Variants in ANK3 observed in about 807,000 individuals in gnomAD.
ANK3 encodes ankyrin 3.
In ANK3, 57 loss-of-function variants were observed where a neutral mutation model predicts 370.9. That is an observed-to-expected ratio of 0.15 (90% CI 0.12 to 0.19). The LOEUF (loss-of-function observed/expected upper bound fraction) is 0.19. Ranked by LOEUF, ANK3 falls within the 10% of genes least tolerant of loss-of-function variation. The probability of loss-of-function intolerance (pLI) is 1.00; values close to 1 mark genes in which losing one functional copy is unlikely to be tolerated. For synonymous variants in ANK3, 1,929 were observed against 1,946.3 expected, an observed-to-expected ratio of 0.99 and a Z score of 0.23; for missense variants, 4,439 against 5,302.1, an observed-to-expected ratio of 0.84 and a Z score of 5.06.
intron 17 of ANK3, among the ~76,000 whole-genome samples, chr10:60,185,816 A>G (rs1169929767): frequency 2.0e-5 from 3 of 152,196 alleles, no homozygotes; most frequent in Non-Finnish European, 4.4e-5. Context: ...ATACAGGGAG[A>G]GGCAGTAACT....
intron 8 of ANK3, among the ~76,000 whole-genome samples, chr10:60,225,446 CCTA>C (rs1170666379): frequency 1.3e-5 from 2 of 152,088 alleles, no homozygotes; most frequent in African/African-American, 4.8e-5. Context: ...GATTCATATA[CCTA>C]CTCAAGGTCA....
At chr10:60,345,864 A>G (rs2055342412) in intron 1 of ANK3, among the ~76,000 whole-genome samples, 1 of 152,276 alleles carries the variant, frequency 6.6e-6, no homozygotes, top group Admixed American at 6.5e-5. Context: ...GTGGTCCCTT[A>G]TTAACTAGCA....
chr10:60,243,079 T>C (rs1442240898), intron 7 of ANK3, among the ~76,000 whole-genome samples: 2 of 152,130 alleles, frequency 1.3e-5, no homozygotes, highest in African/African-American at 4.8e-5. Context: ...AAACATTGCA[T>C]TGTGGCAGGA....
At chr10:60,043,372 T>C in intron 42 of ANK3, 9 of 984,508 alleles carry the variant, frequency 9.1e-6, no homozygotes, top group Non-Finnish European at 1.1e-5. Context: ...GTACTTCTGA[T>C]AAATTTTCAG....
At chr10:60,266,156 C>T (rs1262635345) in intron 5 of ANK3, among the ~76,000 whole-genome samples, 1 of 152,110 alleles carries the variant, frequency 6.6e-6, no homozygotes, top group Non-Finnish European at 1.5e-5. Context: ...AGACTAGATA[C>T]ATCCAAGATG....
chr10:60,162,715 CA>C (rs1473443638), intron 23 of ANK3, among the ~76,000 whole-genome samples: 1 of 152,090 alleles, frequency 6.6e-6, no homozygotes, highest in African/African-American at 2.4e-5. Flanking sequence ...TCAGCCCTAT[CA>C]AATTTGAAAG....
Position 60,620,228 on chromosome 10 carries a change from G to A in ANK3, c.58-5004C>T, listed in dbSNP as rs200855764. 1.2e-4 allele frequency among the ~76,000 whole-genome samples: 18 copies of A among 152,110 alleles called. No individual in the cohort carries two copies. The East Asian group carries it at 2.1e-3, about 18-fold the overall frequency. On this transcript the variant is annotated intron_variant, in intron 1 of 43. Transcript: ENST00000373827. ...TTTTACATTTCCAGCTAGTCAATGTGTATGATAAAAAAGAATTATTCTATC... is the reference window on the plus strand; with the variant it reads ...TTTTACATTTCCAGCTAGTCAATGTATATGATAAAAAAGAATTATTCTATC...
At chr10:60,146,031 A>T in intron 23 of ANK3, 1 of 1,457,556 alleles carries the variant, frequency 6.9e-7, no homozygotes, top group Non-Finnish European at 9.3e-7. Flanking sequence ...CCTATTCAAA[A>T]AATGAATAAA....
intron 1 of ANK3, among the ~76,000 whole-genome samples, chr10:60,691,906 A>C (rs74155697): frequency 0.052 from 7,910 of 152,262 alleles, 290 homozygotes; most frequent in African/African-American, 0.086. Context: ...ACCTGTGCCA[A>C]AAACTGATTT....
intron 2 of ANK3, among the ~76,000 whole-genome samples, chr10:60,601,956 A>G (rs2078070335): frequency 6.6e-6 from 1 of 152,188 alleles, no homozygotes; most frequent in South Asian, 2.1e-4. Flanking sequence ...TACAGCGTAT[A>G]TAGATGCAGT....
chr10:60,720,913 C>A (rs74157812), intron 1 of ANK3, among the ~76,000 whole-genome samples: 64 of 152,250 alleles, frequency 4.2e-4, no homozygotes, highest in African/African-American at 1.4e-3. Context: ...AAGCCCAGAC[C>A]TTTTGAAGGT....
At chr10:60,578,719 T>C (rs2077711780) in intron 2 of ANK3, among the ~76,000 whole-genome samples, 1 of 152,148 alleles carries the variant, frequency 6.6e-6, no homozygotes, top group South Asian at 2.1e-4. Context: ...TTATCAAATA[T>C]CCATCCAACA....
intron 43 of ANK3, among the ~76,000 whole-genome samples, chr10:60,036,877 C>T (rs1371860326): frequency 1.3e-5 from 2 of 152,202 alleles, no homozygotes; most frequent in African/African-American, 4.8e-5. Context: ...ATGATTCCCA[C>T]ATTTTTATAT....
chr10:60,372,737 C>G (rs764656394), intron 1 of ANK3, among the ~76,000 whole-genome samples: 19 of 152,150 alleles, frequency 1.2e-4, no homozygotes, highest in Admixed American at 5.9e-4. Context: ...TTCCTTGACT[C>G]TAGAGCCTCT....
At position 60,072,721 on chromosome 10, in the gene ANK3, T is replaced by C; in HGVS notation, c.8160A>G (p.Leu2720=). 1 of 1,614,094 alleles carries C rather than the reference T, an allele frequency of 6.2e-7. No individual in the cohort carries two copies. The change falls in exon 37 of 44, where the codon TTA becomes TTG. Residue 2720 remains leucine (L), a synonymous_variant. Coordinates refer to ENST00000280772, the MANE Select transcript of ANK3 (RefSeq NM_020987.5). ...TTGCGTGTGTGCCTTGTTCAAATTT[T>C]AATCTAATGGAACTGAGTTTAGATT... is the stretch of plus-strand genomic sequence containing the variant. The part of the protein sequence containing the change: ...LKQSKLSSIR[L]KFEQGTHAKS...
chr10:60,046,716 A>T (rs1158813790), intron 42 of ANK3, among the ~76,000 whole-genome samples: 1 of 152,136 alleles, frequency 6.6e-6, no homozygotes, highest in Non-Finnish European at 1.5e-5. Flanking sequence ...TAAAAAATTT[A>T]TCCATCTTTA....
rs12240669 is a variant in ANK3 at position 60,450,227 on chromosome 10, G to C, written c.96+164959C>G. 6.4e-3 allele frequency among the ~76,000 whole-genome samples: 979 copies of C among 152,272 alleles called. 12 individuals are homozygous for C. The highest frequency in any genetic ancestry group is 0.023 in the African/African-American group (949 of 41,550). On this transcript the variant is annotated intron_variant, in intron 2 of 43. Transcript: ENST00000373827. ...GAGGATCACTTGAGCCCAGGAGTTG[G>C]AGGCTGCAGTGAGTTGGGATTACAC...
intron 2 of ANK3, among the ~76,000 whole-genome samples, chr10:60,466,663 A>G (rs1282997684): frequency 6.6e-6 from 1 of 152,202 alleles, no homozygotes; most frequent in Non-Finnish European, 1.5e-5. Context: ...AGTAGAAACA[A>G]CTGAAATGTC....
chr10:60,203,995 G>A (rs1267629656), intron 11 of ANK3, among the ~76,000 whole-genome samples: 1 of 151,914 alleles, frequency 6.6e-6, no homozygotes, highest in Non-Finnish European at 1.5e-5. Flanking sequence ...ATTTTTTTTA[G>A]TATGTTTAGA....
Sources: gnomAD v4.1 joint callset for allele counts (sites outside exome capture counted in the v4.1 genomes callset) on GRCh38, gnomAD v4.1.1 for gene constraint, MANE v1.5 for transcripts, NCBI Gene and HGNC (gene_info 2026-07-23, HGNC 2026-07-21) for gene names.